Variants in MEMO1 observed in about 807,000 individuals in gnomAD.
MEMO1 encodes protein MEMO1.
A neutral mutation model predicts 45.2 loss-of-function variants in MEMO1; 6 were observed. That is an observed-to-expected ratio of 0.13 (90% CI 0.07 to 0.26). MEMO1 has a LOEUF of 0.26. Ranked by LOEUF, MEMO1 falls within the 10% of genes least tolerant of loss-of-function variation. The pLI, the probability that MEMO1 is intolerant of heterozygous loss-of-function variation, is 1.00. For missense variants in MEMO1, 184 were observed against 370.5 expected, an observed-to-expected ratio of 0.50 and a Z score of 4.13; for synonymous variants, 78 against 124.3, an observed-to-expected ratio of 0.63 and a Z score of 2.48.
intron 2 of MEMO1, among the ~76,000 whole-genome samples, chr2:31,969,601 GTGT>G (rs1669121330): frequency 1.3e-5 from 2 of 148,564 alleles, no homozygotes; most frequent in African/African-American, 2.5e-5. Context: ...GTGTGTGTGT[GTGT>G]GTGTGTGTGT....
intron 2 of MEMO1, among the ~76,000 whole-genome samples, chr2:31,954,323 C>A (rs1667167282): frequency 6.6e-6 from 1 of 152,130 alleles, no homozygotes; most frequent in African/African-American, 2.4e-5. Flanking sequence ...GTGGCTCATG[C>A]CTGTAATCCC....
chr2:31,901,259 G>C (rs1362157309), intron 6 of MEMO1, among the ~76,000 whole-genome samples: 1 of 150,390 alleles, frequency 6.6e-6, no homozygotes, highest in African/African-American at 2.5e-5. Flanking sequence ...TGTCGTCCCA[G>C]CTACTTGGGA....
At chr2:31,983,775 G>C (rs1397941593) in intron 2 of MEMO1, among the ~76,000 whole-genome samples, 1 of 152,186 alleles carries the variant, frequency 6.6e-6, no homozygotes, top group Non-Finnish European at 1.5e-5. Context: ...ATAAAAGAAA[G>C]CAAGGCTCCT....
intron 2 of MEMO1, among the ~76,000 whole-genome samples, chr2:31,951,316 G>C (rs978437543): frequency 1.3e-5 from 2 of 152,126 alleles, no homozygotes; most frequent in Admixed American, 6.6e-5. Flanking sequence ...AAATGAAAAA[G>C]TGTGGGAAAA....
chr2:31,970,378 T>C (rs1381145157), intron 2 of MEMO1, among the ~76,000 whole-genome samples: 7 of 152,202 alleles, frequency 4.6e-5, no homozygotes, highest in Admixed American at 3.9e-4. Flanking sequence ...TATTAGAAAA[T>C]GTAGCTTGTT....
chr2:32,005,088 T>C (rs1673889590), intron 2 of MEMO1, among the ~76,000 whole-genome samples: 1 of 151,912 alleles, frequency 6.6e-6, no homozygotes, highest in African/African-American at 2.4e-5. Context: ...CAGAATAAAC[T>C]GGAATTGTCA....
intron 3 of MEMO1, among the ~76,000 whole-genome samples, chr2:31,933,951 A>G (rs968277204): frequency 6.6e-6 from 1 of 152,174 alleles, no homozygotes; most frequent in African/African-American, 2.4e-5. Context: ...TTACAACTCC[A>G]GTCTCTGAGT....
chr2:31,995,445 T>C (rs1372385677), intron 2 of MEMO1, among the ~76,000 whole-genome samples: 3 of 151,914 alleles, frequency 2.0e-5, no homozygotes, highest in Admixed American at 1.3e-4. Flanking sequence ...TAGAGTGAGA[T>C]TCTATCTCAA....
At chr2:31,897,748 G>A (rs1349081420) in intron 6 of MEMO1, among the ~76,000 whole-genome samples, 2 of 152,114 alleles carry the variant, frequency 1.3e-5, no homozygotes, top group African/African-American at 4.8e-5. Context: ...AGTTAGGGAG[G>A]AACCCCTCTT....
At chr2:31,909,945 C>T (rs1356901267) in intron 6 of MEMO1, among the ~76,000 whole-genome samples, 1 of 151,800 alleles carries the variant, frequency 6.6e-6, no homozygotes, top group African/African-American at 2.4e-5. Flanking sequence ...TATATTAAAA[C>T]TGCAAAAAAC....
chr2:31,913,361 C>G (rs1572660479), intron 6 of MEMO1, among the ~76,000 whole-genome samples: 1 of 149,352 alleles, frequency 6.7e-6, no homozygotes, highest in Non-Finnish European at 1.5e-5. Flanking sequence ...AGCTTAAAAG[C>G]TAAATGGTCA....
chr2:31,913,017 G>A (rs1172943733), intron 6 of MEMO1, among the ~76,000 whole-genome samples: 1 of 152,076 alleles, frequency 6.6e-6, no homozygotes, highest in East Asian at 1.9e-4. Context: ...GGTGGCTCAT[G>A]CCTCTAATCC....
At chr2:31,989,579 T>A (rs1457155045) in intron 2 of MEMO1, among the ~76,000 whole-genome samples, 1 of 152,170 alleles carries the variant, frequency 6.6e-6, no homozygotes, top group African/African-American at 2.4e-5. Flanking sequence ...GATTCATAGA[T>A]CTTAATGAAA....
chr2:32,006,216 GGCCAAC>G (rs1159672804), intron 2 of MEMO1, among the ~76,000 whole-genome samples: 2 of 152,128 alleles, frequency 1.3e-5, no homozygotes, highest in East Asian at 3.8e-4. Flanking sequence ...GGAATGATTT[GGCCAAC>G]ATACTATTCA....
intron 6 of MEMO1, among the ~76,000 whole-genome samples, chr2:31,903,720 A>C (rs991974446): frequency 2.0e-5 from 3 of 152,202 alleles, no homozygotes; most frequent in Non-Finnish European, 4.4e-5. Flanking sequence ...TGCTCTAAAA[A>C]CCTCAGTAAA....
chr2:31,995,701 GA>G lies in MEMO1; in HGVS notation c.61+14485del, dbSNP rs140903843. Among the ~76,000 whole-genome samples the G allele has an allele frequency of 9.9e-3, 1,441 of 145,462 alleles. 13 individuals are homozygous for G. Among genetic ancestry groups the G allele is most frequent in the Non-Finnish European group, 0.017 (1,091 of 65,870 alleles). On this transcript the variant is annotated intron_variant, in intron 2 of 9. Coordinates refer to ENST00000404530, the MANE Select transcript of MEMO1 (RefSeq NM_001301833.4). ...CTGGAGTGTCAGAAATACAAAAAGAGAAAAAAAAAATCCTCAAGGAGGTAAT... is the reference window on the plus strand; with the variant it reads ...CTGGAGTGTCAGAAATACAAAAAGAGAAAAAAAAATCCTCAAGGAGGTAAT...
intron 8 of MEMO1, among the ~76,000 whole-genome samples, chr2:31,875,479 T>A (rs1674421003): frequency 1.3e-5 from 2 of 152,154 alleles, no homozygotes; most frequent in Admixed American, 6.5e-5. Flanking sequence ...TACTGAGACC[T>A]CCCAAACTTA....
At chr2:31,943,123 G>A (rs1429124665) in intron 3 of MEMO1, among the ~76,000 whole-genome samples, 179 bp downstream of exon 3, 3 of 152,076 alleles carry the variant, frequency 2.0e-5, no homozygotes, top group Admixed American at 6.5e-5. Context: ...AAATTGGCCA[G>A]GTGTGGTGGC....
At chr2:31,959,312 T>C (rs1047606296) in intron 2 of MEMO1, among the ~76,000 whole-genome samples, 1 of 152,004 alleles carries the variant, frequency 6.6e-6, no homozygotes, top group African/African-American at 2.4e-5. Flanking sequence ...ATAGAAATGT[T>C]AGAAAAAGTG....
Sources: allele counts gnomAD v4.1 joint callset (sites outside exome capture counted in the v4.1 genomes callset), GRCh38; gene constraint gnomAD v4.1.1; transcripts MANE v1.5; gene names NCBI Gene and HGNC (gene_info 2026-07-23, HGNC 2026-07-21).